Variants in SLC44A3 observed in about 807,000 individuals in gnomAD.
The protein encoded by SLC44A3 is solute carrier family 44 member 3.
SLC44A3 carries 74 observed loss-of-function variants against 75.4 expected under a neutral mutation model. The ratio of observed to expected loss-of-function variants is 0.98; its 90% CI spans 0.81 to 1.19. The LOEUF (loss-of-function observed/expected upper bound fraction) is 1.19, where lower values mean the gene tolerates loss of function less well. Ranked by LOEUF, SLC44A3 falls within the 50% of genes most tolerant of loss-of-function variation. The pLI, the probability that SLC44A3 is intolerant of heterozygous loss-of-function variation, is 0.00. For missense variants in SLC44A3, 700 were observed against 778.6 expected, an observed-to-expected ratio of 0.90 and a Z score of 1.20; for synonymous variants, 310 against 296.9, an observed-to-expected ratio of 1.04 and a Z score of -0.45.
intron 5 of SLC44A3, among the ~76,000 whole-genome samples, chr1:94,835,081 A>T (rs1256156993): frequency 6.6e-6 from 1 of 152,232 alleles, no homozygotes; most frequent in East Asian, 1.9e-4. Flanking sequence ...TCTACAAATT[A>T]AGGGACATTT....
Position 94,875,205 on chromosome 1 carries a change from C to G in SLC44A3, c.1482+7788C>G, listed in dbSNP as rs1387550100. Among the ~76,000 whole-genome samples the G allele has an allele frequency of 5.9e-5, 9 of 152,182 alleles. No individual in the cohort carries two copies. The East Asian group carries it at 1.5e-3, about 26-fold the overall frequency. On this transcript the variant is annotated intron_variant, in intron 12 of 14. Coordinates refer to ENST00000271227, the MANE Select transcript of SLC44A3 (RefSeq NM_001114106.3). ...AATTTGCCCAGTCCCTTAAGTTCAC[C>G]TCCTTCCCTGAAACAAATGAGAGGC... is the stretch of plus-strand genomic sequence containing the variant.
In SLC44A3 at chr1:94,820,430, G is replaced by A; in HGVS notation, c.-22G>A. On this transcript the variant is annotated 5_prime_UTR_variant, in exon 1 of 15. Transcript: ENST00000271227. ...GAGGCGGCGGCGGCTCCCAGTCACC[G>A]GCCCCCGCCGGCGAGCGCACGATGC... The A allele has an allele frequency of 6.9e-7, 1 of 1,448,784 alleles. No individual in the cohort carries two copies. The highest frequency in any genetic ancestry group is 9.1e-7 in the Non-Finnish European group (1 of 1,103,490). The allele number at this position is 1,448,784 out of a possible 1,614,324, so 89.7% of individuals were successfully genotyped here. A position where few individuals can be genotyped will look rare whatever the true frequency, so the allele number is the denominator to read the frequency against.
At position 94,888,912 on chromosome 1, in the gene SLC44A3, C is replaced by T. The variant is rs12024646; in HGVS notation, c.1483-2218C>T. Among the ~76,000 whole-genome samples, 1,074 of 143,996 alleles carry T rather than the reference C, an allele frequency of 7.5e-3. 13 individuals are homozygous for T. The highest frequency in any genetic ancestry group is 0.013 in the Non-Finnish European group (821 of 65,506). 94.5% of individuals were successfully genotyped at this position (143,996 alleles called of 152,430 possible). On this transcript the variant is annotated intron_variant, in intron 12 of 14. Coordinates refer to ENST00000271227, the MANE Select transcript of SLC44A3 (RefSeq NM_001114106.3). ...GACTGGCTATATATATATATATATA[C>T]ACATATATATGTATATTTTGTATTT...
At chr1:94,849,302 T>C (rs767401653) in intron 9 of SLC44A3, among the ~76,000 whole-genome samples, 2 of 151,982 alleles carry the variant, frequency 1.3e-5, no homozygotes, top group Non-Finnish European at 2.9e-5. Flanking sequence ...TATGAGCAGG[T>C]CGATTTTAGG....
At position 94,828,433 on chromosome 1, in the gene SLC44A3, G is replaced by A. The variant is rs1661670410; in HGVS notation, c.416-60G>A. On this transcript the variant is annotated intron_variant, in intron 4 of 14. Coordinates refer to ENST00000271227, the MANE Select transcript of SLC44A3 (RefSeq NM_001114106.3). ...TCCTTTCTGGTTTGGTAACATGGCT[G>A]TGGTTTCCTTACTGACTCACCTGGA... 5 of 1,397,812 alleles carry A rather than the reference G, an allele frequency of 3.6e-6. No homozygotes were observed. The Admixed American group carries it at 7.4e-5, about 21-fold the overall frequency. 86.6% of individuals were successfully genotyped at this position (1,397,812 alleles called of 1,614,324 possible).
chr1:94,833,108 G>A (rs970459889), intron 5 of SLC44A3, among the ~76,000 whole-genome samples: 7 of 152,144 alleles, frequency 4.6e-5, no homozygotes, highest in Non-Finnish European at 7.3e-5. Flanking sequence ...GCTGTAGTCA[G>A]CCTCCCTTCT....
chr1:94,887,659 G>C (rs992126328), intron 12 of SLC44A3, among the ~76,000 whole-genome samples: 7 of 152,176 alleles, frequency 4.6e-5, no homozygotes, highest in Admixed American at 2.0e-4. Flanking sequence ...TGCAGAAAAA[G>C]AAGTCCCCAC....
rs576035793 is a variant in SLC44A3 at position 94,874,655 on chromosome 1, G to A, written c.1482+7238G>A. Among the ~76,000 whole-genome samples the A allele has an allele frequency of 2.0e-4, 30 of 152,306 alleles. No homozygotes were observed. The South Asian group carries it at 5.4e-3, about 27-fold the overall frequency. ...ACTTCCTCCTAAGTGTGCGGCTCCC[G>A]AAGACAAGAATACCAGCCACTCACT... On this transcript the variant is annotated intron_variant, in intron 12 of 14. Coordinates refer to ENST00000271227, the MANE Select transcript of SLC44A3 (RefSeq NM_001114106.3).
At chr1:94,866,966 G>A (rs1041410308) in intron 11 of SLC44A3, among the ~76,000 whole-genome samples, 21 of 151,760 alleles carry the variant, frequency 1.4e-4, no homozygotes, top group African/African-American at 3.6e-4. Context: ...TGGATTTTTC[G>A]TGAATATAAA....
intron 8 of SLC44A3, chr1:94,843,254 G>T (rs1663904626): frequency 6.6e-6 from 1 of 152,494 alleles, no homozygotes; most frequent in Non-Finnish European, 1.5e-5. Context: ...TGTGAGCAGG[G>T]AGGCTGTTTT....
intron 9 of SLC44A3, among the ~76,000 whole-genome samples, chr1:94,847,227 T>C (rs1267651142): frequency 6.6e-6 from 1 of 152,248 alleles, no homozygotes; most frequent in Non-Finnish European, 1.5e-5. Flanking sequence ...AGAGGATCCA[T>C]GCCAGCCTAG....
intron 9 of SLC44A3, 81 bp from the exon 10 acceptor site, chr1:94,857,254 A>G: frequency 2.1e-6 from 3 of 1,405,718 alleles, no homozygotes; most frequent in Non-Finnish European, 9.5e-7. Context: ...AAGGCCAAGC[A>G]TAAAGAAACA....
In SLC44A3 at chr1:94,892,195, C is replaced by T. The variant is rs558577900; in HGVS notation, c.1621-86C>T. ...TGCACACACACGTTGCACACAGGAA[C>T]GTATATTAAACCATTACTTGTAACT... is the stretch of plus-strand genomic sequence containing the variant. On this transcript the variant is annotated intron_variant, in intron 13 of 14. Coordinates refer to ENST00000271227, the MANE Select transcript of SLC44A3 (RefSeq NM_001114106.3). 1.2e-4 allele frequency: 152 copies of T among 1,216,024 alleles called. No homozygotes were observed. In the African/African-American group the frequency reaches 2.0e-3, roughly 16 times the overall value. 75.3% of individuals were successfully genotyped at this position (1,216,024 alleles called of 1,614,324 possible).
chr1:94,833,241 A>C (rs1445021969), intron 5 of SLC44A3, among the ~76,000 whole-genome samples: 2 of 152,166 alleles, frequency 1.3e-5, no homozygotes, highest in Non-Finnish European at 2.9e-5. Flanking sequence ...TGATACTAGC[A>C]CCAGCATTCT....
In SLC44A3 at chr1:94,857,531, G is replaced by T. The variant is rs752505860; in HGVS notation, c.1238+31G>T. 61 of 1,586,518 alleles carry T rather than the reference G, an allele frequency of 3.8e-5. No individual in the cohort carries two copies. The South Asian group carries it at 5.9e-4, about 15-fold the overall frequency. ...TCCAGTGTTTTTTTTCTATTGGTTT[G>T]TCTATGTGGTTTATCTATGTGCTTC... On this transcript the variant is annotated intron_variant, in intron 10 of 14. Coordinates refer to ENST00000271227, the MANE Select transcript of SLC44A3 (RefSeq NM_001114106.3).
At chr1:94,836,442 T>C (rs1662794402) in intron 5 of SLC44A3, among the ~76,000 whole-genome samples, 2 of 152,210 alleles carry the variant, frequency 1.3e-5, no homozygotes, top group African/African-American at 4.8e-5. Context: ...CACCCACTGT[T>C]CATAGCAAGG....
chr1:94,893,319 C>T (rs551240876), intron 14 of SLC44A3, among the ~76,000 whole-genome samples: 3 of 152,286 alleles, frequency 2.0e-5, no homozygotes, highest in African/African-American at 7.2e-5. Flanking sequence ...TTTTTAAGAA[C>T]CACTTCTACA....
At chr1:94,882,981 ATAT>A (rs1669160242) in intron 12 of SLC44A3, among the ~76,000 whole-genome samples, 1 of 150,856 alleles carries the variant, frequency 6.6e-6, no homozygotes, top group African/African-American at 2.4e-5. Flanking sequence ...ATATGAAGAA[ATAT>A]TATTCAGAAG....
chr1:94,883,557 A>G (rs1215016300), intron 12 of SLC44A3, among the ~76,000 whole-genome samples: 7 of 152,318 alleles, frequency 4.6e-5, no homozygotes, highest in East Asian at 1.9e-4. Context: ...TTCATCATCA[A>G]AGAGGCTATA....
Sources: allele counts gnomAD v4.1 joint callset (sites outside exome capture counted in the v4.1 genomes callset), GRCh38; gene constraint gnomAD v4.1.1; transcripts MANE v1.5; gene names NCBI Gene and HGNC (gene_info 2026-07-23, HGNC 2026-07-21).